Variants in NOS1 observed in about 807,000 individuals in gnomAD.
NOS1 encodes NOS type I.
A neutral mutation model predicts 164.5 loss-of-function variants in NOS1; 51 were observed. That is an observed-to-expected ratio of 0.31 (90% confidence interval 0.25 to 0.39). The LOEUF (loss-of-function observed/expected upper bound fraction) is 0.39. Ranked by LOEUF, NOS1 falls within the 10% of genes least tolerant of loss-of-function variation. The pLI is 1.00. For synonymous variants in NOS1, 719 were observed against 745.8 expected, an observed-to-expected ratio of 0.96 and a Z score of 0.59; for missense variants, 1,362 against 1,885.6, an observed-to-expected ratio of 0.72 and a Z score of 5.14.
rs777066873 is a variant in NOS1 at position 117,222,700 on chromosome 12, G to A, written c.3975+15C>T. On this transcript the variant is annotated intron_variant, in intron 26 of 28. Transcript: ENST00000317775. ...TGTGTTGGGCTGGGCTAGGGGGTGG[G>A]CTGCTGGGGGTTACCTTTGGTTTGT... 3.7e-6 allele frequency: 6 copies of A among 1,612,966 alleles called. No individual in the cohort carries two copies. Among genetic ancestry groups the A allele is most frequent in the Non-Finnish European group, 4.2e-6 (5 of 1,179,484 alleles).
intron 1 of NOS1, among the ~76,000 whole-genome samples, chr12:117,341,529 C>T (rs1474009122): frequency 6.6e-6 from 1 of 152,080 alleles, no homozygotes; most frequent in Non-Finnish European, 1.5e-5. Context: ...AACGGGAGAC[C>T]AATATATCCA....
chr12:117,244,130 T>C (rs975811816), intron 18 of NOS1, among the ~76,000 whole-genome samples: 7 of 152,086 alleles, frequency 4.6e-5, no homozygotes, highest in South Asian at 2.1e-4. Context: ...ATTTAAGAAT[T>C]ACATAAAGGC....
chr12:117,247,707 G>A (rs1870737285), intron 17 of NOS1, among the ~76,000 whole-genome samples, 185 bp from the exon 18 acceptor site: 1 of 152,238 alleles, frequency 6.6e-6, no homozygotes, highest in South Asian at 2.1e-4. Context: ...TAAGGGTAAA[G>A]CCCTGATCTG....
rs1566059376 is a variant in NOS1 at position 117,286,220 on chromosome 12, C to G, written c.1174G>C (p.Glu392Gln). The change falls in exon 6 of 29, where the codon GAG (glutamate) becomes CAG (glutamine). Residue 392 changes from glutamate to glutamine, a missense_variant. By Grantham distance (29) the Glu-to-Gln change is conservative (BLOSUM62 2). This residue lies in a region of NOS1 where 129 missense variants were observed against 186.0 expected (regional missense o/e 0.69). Transcript: ENST00000317775. ...HMERLEEVNKEIDTTSTYQLK... is the reference protein window; with the variant it reads ...HMERLEEVNKQIDTTSTYQLK... ...TGGTAAGTGCTAGTGGTGTCGATCT[C>G]TTTGTTCACCTCTTCCAGCCTTTCC... is the stretch of plus-strand genomic sequence containing the variant. 6.2e-7 allele frequency: 1 copy of G among 1,614,078 alleles called. No homozygotes were observed. The highest frequency in any genetic ancestry group is 1.3e-5 in the African/African-American group (1 of 74,938).
In NOS1 at chr12:117,211,663, C is replaced by T. The variant is rs9658576; in HGVS notation, c.*3646G>A. 2,607 of 985,472 alleles carry T rather than the reference C, an allele frequency of 2.6e-3. 6 individuals carry two copies. Among genetic ancestry groups the T allele is most frequent in the Non-Finnish European group, 2.9e-3 (2,426 of 830,004 alleles). 61.0% of individuals were successfully genotyped at this position (985,472 alleles called of 1,614,324 possible). ...GTCCGTGCCTTTCCTCTCACTCTTCCCAATTCCTGGACAACTCTTACCTTC... is the reference window on the plus strand; with the variant it reads ...GTCCGTGCCTTTCCTCTCACTCTTCTCAATTCCTGGACAACTCTTACCTTC... On this transcript the variant is annotated 3_prime_UTR_variant, in exon 29 of 29. Coordinates refer to ENST00000317775, the MANE Select transcript of NOS1 (RefSeq NM_000620.5).
At chr12:117,354,313 C>T (rs1465785092) in intron 1 of NOS1, among the ~76,000 whole-genome samples, 1 of 152,140 alleles carries the variant, frequency 6.6e-6, no homozygotes, top group Non-Finnish European at 1.5e-5. Flanking sequence ...TTATTTTATA[C>T]CATGCTTTGG....
intron 11 of NOS1, among the ~76,000 whole-genome samples, chr12:117,267,279 C>G (rs187560979): frequency 1.3e-5 from 2 of 152,134 alleles, no homozygotes; most frequent in African/African-American, 4.8e-5. Context: ...TTACTAGTGT[C>G]GCCCTCTGGC....
intron 1 of NOS1, among the ~76,000 whole-genome samples, chr12:117,351,599 C>T (rs192892425): frequency 1.3e-5 from 2 of 152,324 alleles, no homozygotes; most frequent in East Asian, 3.9e-4. Flanking sequence ...CAGAAGGAAC[C>T]TGGATAGTCA....
intron 16 of NOS1, 134 bp from the exon 17 acceptor site, chr12:117,253,888 C>T: frequency 1.6e-6 from 1 of 644,416 alleles, no homozygotes; most frequent in Non-Finnish European, 2.8e-6. Flanking sequence ...CCATAACACT[C>T]CCATGGCCTC....
At chr12:117,239,281 G>C (rs1401594115) in intron 20 of NOS1, among the ~76,000 whole-genome samples, 1 of 152,214 alleles carries the variant, frequency 6.6e-6, no homozygotes, top group Non-Finnish European at 1.5e-5. Flanking sequence ...GACTTCTGCT[G>C]TTCTTTCTTT....
chr12:117,233,533 G>A (rs780795102), intron 21 of NOS1, among the ~76,000 whole-genome samples: 7 of 151,680 alleles, frequency 4.6e-5, no homozygotes, highest in African/African-American at 1.5e-4. Flanking sequence ...TCAGCCGGGT[G>A]CGGTGGCTCA....
chr12:117,224,589 A>C (rs1017389767), intron 25 of NOS1, among the ~76,000 whole-genome samples: 2 of 152,044 alleles, frequency 1.3e-5, no homozygotes, highest in Admixed American at 1.3e-4. Context: ...CCGGCCAATA[A>C]ATCCTTGTTT....
At chr12:117,216,485 T>C (rs1481977968) in intron 28 of NOS1, among the ~76,000 whole-genome samples, 1 of 151,530 alleles carries the variant, frequency 6.6e-6, no homozygotes, top group Non-Finnish European at 1.5e-5. Flanking sequence ...CCCGGCCTTT[T>C]TTTTTCTCTT....
chr12:117,358,672 AT>A (rs1456828648), intron 1 of NOS1, among the ~76,000 whole-genome samples: 2 of 152,220 alleles, frequency 1.3e-5, no homozygotes, highest in Non-Finnish European at 2.9e-5. Flanking sequence ...AGGTTAAGTG[AT>A]CAACCTGAGG....
At chr12:117,299,067 C>G (rs1204929416) in intron 3 of NOS1, among the ~76,000 whole-genome samples, 1 of 152,240 alleles carries the variant, frequency 6.6e-6, no homozygotes, top group Non-Finnish European at 1.5e-5. Context: ...AGACGCCACA[C>G]ACTGTGCCCT....
chr12:117,320,825 G>A (rs1375892143), intron 2 of NOS1, among the ~76,000 whole-genome samples: 1 of 152,080 alleles, frequency 6.6e-6, no homozygotes, highest in Non-Finnish European at 1.5e-5. Context: ...CTTCTGCTAG[G>A]AACACCCTTC....
rs369258103 is a variant in NOS1 at position 117,311,556 on chromosome 12, G to A, written c.762C>T (p.Leu254=). The A allele has an allele frequency of 1.9e-5, 30 of 1,612,790 alleles. No individual in the cohort carries two copies. The highest frequency in any genetic ancestry group is 1.2e-4 in the African/African-American group (9 of 74,936). ...LDGKSHKPLP[L]GVENDRVFND... ...TGAAGACTCGGTCGTTCTCCACGCC[G>A]AGGGGCAGAGGTTTGTGTGACTTGC... Residue 254 remains leucine, a synonymous_variant, in exon 3 of 29, where the codon CTC becomes CTT. Transcript: ENST00000317775.
chr12:117,234,183 G>A lies in NOS1; in HGVS notation c.3235+382C>T, dbSNP rs1869507189. Reference sequence around the variant, plus strand: ...TAGTACCTTTTGATTCTAAGAGGAGGCAGGATCAGACTTCAGCTGTTATTT... The same window carrying A: ...TAGTACCTTTTGATTCTAAGAGGAGACAGGATCAGACTTCAGCTGTTATTT... On this transcript the variant is annotated intron_variant, in intron 21 of 28. Transcript: ENST00000317775. The surrounding 1 kb of genome is among the most constrained non-coding windows in gnomAD (Gnocchi z 4.3). 6.6e-6 allele frequency among the ~76,000 whole-genome samples: 1 copy of A among 152,190 alleles called. No homozygotes were observed. Among genetic ancestry groups the A allele is most frequent in the Non-Finnish European group, 1.5e-5 (1 of 68,038 alleles).
intron 1 of NOS1, among the ~76,000 whole-genome samples, chr12:117,355,639 G>A (rs1013248337): frequency 1.3e-5 from 2 of 152,094 alleles, no homozygotes; most frequent in African/African-American, 4.8e-5. Flanking sequence ...GTCTCTGAAG[G>A]GAGATGCCCT....
Sources: allele counts gnomAD v4.1 joint callset (sites outside exome capture counted in the v4.1 genomes callset), GRCh38; gene constraint gnomAD v4.1.1; regional missense constraint gnomAD v4.1.1; non-coding constraint Gnocchi (gnomAD v3.1); transcripts MANE v1.5; gene names NCBI Gene and HGNC (gene_info 2026-07-23, HGNC 2026-07-21).